The following WDHD1 variants were observed in gnomAD, a reference collection of about 807,000 sequenced individuals.
WDHD1 encodes the protein WD repeat and HMG-box DNA-binding protein 1.
In WDHD1, 111 loss-of-function variants were observed where a neutral mutation model predicts 135.4. The ratio of observed to expected loss-of-function variants is 0.82; its 90% confidence interval spans 0.70 to 0.96. WDHD1 has a LOEUF of 0.96. Among genes scored for constraint, WDHD1 ranks in the 40% least tolerant of loss-of-function variants. The pLI is 0.00. For synonymous variants in WDHD1, 434 were observed against 439.0 expected, an observed-to-expected ratio of 0.99 and a Z score of 0.14; for missense variants, 1,351 against 1,336.3, an observed-to-expected ratio of 1.01 and a Z score of -0.17.
chr14:54,957,700 T>C, intron 21 of WDHD1, 65 bp from the exon 22 acceptor site: 1 of 1,310,002 alleles, frequency 7.6e-7, no homozygotes, highest in Non-Finnish European at 1.1e-6. Flanking sequence ...ACATCTATAA[T>C]ACTAGACAGA....
intron 11 of WDHD1, among the ~76,000 whole-genome samples, chr14:54,993,640 A>G (rs767618163): frequency 1.3e-5 from 2 of 152,226 alleles, no homozygotes; most frequent in Non-Finnish European, 2.9e-5. Flanking sequence ...ATACACTTCA[A>G]ACAAAAACAA....
Position 54,987,361 on chromosome 14 carries a change from GA to G in WDHD1, c.1552del (p.Ser518LeufsTer9). ...TATCCACTCTTTGCTTGAATCCCAA[GA>G]ACTAAAGTGCAGGCAGTGAAGCTTG... ...ASKLHCLHFS[S>X]WDSSKEWIID... On this transcript the variant is annotated frameshift_variant, in exon 14 of 26. Transcript: ENST00000360586. LOFTEE classifies it high-confidence loss of function. 1 of 1,613,458 alleles carries G rather than the reference GA, an allele frequency of 6.2e-7. No homozygotes were observed. The highest frequency in any genetic ancestry group is 8.5e-7 in the Non-Finnish European group (1 of 1,179,848).
intron 16 of WDHD1, among the ~76,000 whole-genome samples, chr14:54,975,848 A>C (rs1396377755): frequency 1.3e-5 from 2 of 152,170 alleles, no homozygotes; most frequent in African/African-American, 2.4e-5. Context: ...AATTTTTAAA[A>C]ATTATTTTTC....
rs1307485463 is a variant in WDHD1, at chr14:54,941,522, T to C, written c.3358A>G (p.Lys1120Glu). 1 of 1,613,066 alleles carries C rather than the reference T, an allele frequency of 6.2e-7. No individual in the cohort carries two copies. The highest frequency in any genetic ancestry group is 8.5e-7 in the Non-Finnish European group (1 of 1,179,840). The change falls in exon 26 of 26, where the codon AAA (lysine) becomes GAA (glutamate). Residue 1120 changes from lysine to glutamate, a missense_variant. Physicochemically the swap from Lys to Glu is moderately conservative, Grantham distance 56. Transcript: ENST00000360586. ...TGCTTAAATGCAAAAGCTGATAGTT[T>C]CTGATTTGTAGAAAAATCTAAAGGT... ...QKPLDFSTNQ[K>E]LSAFAFKQE is the part of the protein sequence containing the mutation.
At chr14:54,982,829 ATTT>A (rs2041639867) in intron 15 of WDHD1, among the ~76,000 whole-genome samples, 2 of 152,222 alleles carry the variant, frequency 1.3e-5, no homozygotes, top group African/African-American at 4.8e-5. Flanking sequence ...AAAGAGAAAT[ATTT>A]AAGTCCCCAT....
chr14:55,026,391 G>C (rs2042441954), intron 2 of WDHD1, among the ~76,000 whole-genome samples: 1 of 152,124 alleles, frequency 6.6e-6, no homozygotes, highest in African/African-American at 2.4e-5. Context: ...AAACAGAACA[G>C]GCCACTGAAT....
chr14:55,027,073 C>T lies in WDHD1; in HGVS notation c.-62G>A. The T allele has an allele frequency of 2.5e-6, 1 of 407,218 alleles. No individual in the cohort carries two copies. The allele number at this position is 407,218 out of a possible 1,614,324, so 25.2% of individuals were successfully genotyped here. Reference sequence around the variant, plus strand: ...CACTGAGGATCCACAAGAGCTGCTTCCCGCGCTTCGGCTCGCTCACCACAC... The same window carrying T: ...CACTGAGGATCCACAAGAGCTGCTTTCCGCGCTTCGGCTCGCTCACCACAC... On this transcript the variant is annotated 5_prime_UTR_variant, in exon 1 of 26. Transcript: ENST00000360586.
At chr14:54,980,819 A>C (rs1389951063) in intron 16 of WDHD1, among the ~76,000 whole-genome samples, 6 of 149,826 alleles carry the variant, frequency 4.0e-5, no homozygotes, top group Admixed American at 6.7e-5. Flanking sequence ...AAAAAAAAAA[A>C]AAAAAACTCA....
intron 2 of WDHD1, among the ~76,000 whole-genome samples, chr14:55,018,087 T>G (rs1271817174): frequency 6.6e-6 from 1 of 152,138 alleles, no homozygotes; most frequent in Admixed American, 6.6e-5. Flanking sequence ...TTGGAGTGAT[T>G]GGGTTTTTAA....
chr14:54,955,672 T>G lies in WDHD1; in HGVS notation c.2939A>C (p.Gln980Pro). Residue 980 changes from glutamine to proline, a missense_variant, in exon 24 of 26, where the codon CAG (glutamine) becomes CCG (proline). Gln to Pro is a moderately conservative substitution (Grantham distance 76). This residue lies in a region of WDHD1 where 1,330 missense variants were observed against 1,296.1 expected (regional missense o/e 1.03). Coordinates refer to ENST00000360586, the MANE Select transcript of WDHD1 (RefSeq NM_007086.4). ...PKQASAASYF[Q>P]KRNSQTNKTE... is the part of the protein sequence containing the mutation. ...TTTATTAGTTTGAGAATTTCTTTTC[T>G]GGAAATAGGATGCTGCAGATGCCTA... 1 of 1,583,188 alleles carries G rather than the reference T, an allele frequency of 6.3e-7. No individual in the cohort carries two copies.
chr14:54,989,303 A>G, intron 12 of WDHD1, 91 bp from the exon 13 acceptor site: 1 of 936,636 alleles, frequency 1.1e-6, no homozygotes. Flanking sequence ...CAAATATTAT[A>G]ATTAAATTTG....
chr14:54,990,841 T>C (rs2041774262), intron 12 of WDHD1, among the ~76,000 whole-genome samples: 1 of 152,158 alleles, frequency 6.6e-6, no homozygotes, highest in Non-Finnish European at 1.5e-5. Flanking sequence ...ATACTAGTAG[T>C]TGCCTTCTAA....
At chr14:54,954,056 G>C (rs923474231) in intron 24 of WDHD1, among the ~76,000 whole-genome samples, 40 of 151,392 alleles carry the variant, frequency 2.6e-4, no homozygotes, top group Admixed American at 2.6e-3. Context: ...TGGCACATGT[G>C]TACATATGTA....
intron 16 of WDHD1, among the ~76,000 whole-genome samples, chr14:54,974,041 C>T (rs966784228): frequency 6.6e-6 from 1 of 150,854 alleles, no homozygotes; most frequent in Non-Finnish European, 1.5e-5. Flanking sequence ...GTTTTGATGA[C>T]GACGGAGTTT....
chr14:55,017,894 T>G (rs1035877308), intron 2 of WDHD1, among the ~76,000 whole-genome samples: 3 of 152,298 alleles, frequency 2.0e-5, no homozygotes, highest in African/African-American at 7.2e-5. Flanking sequence ...CACGGCTCAC[T>G]GCAGGCTTGA....
chr14:55,026,894 G>T, intron 1 of WDHD1, 91 bp from the exon 2 acceptor site: 1 of 1,267,348 alleles, frequency 7.9e-7, no homozygotes, highest in Non-Finnish European at 1.1e-6. Flanking sequence ...CTCCTCTAGG[G>T]CCCGTTCTCC....
At chr14:54,990,613 A>C (rs1248495930) in intron 12 of WDHD1, among the ~76,000 whole-genome samples, 1 of 151,888 alleles carries the variant, frequency 6.6e-6, no homozygotes, top group Non-Finnish European at 1.5e-5. Context: ...AAAAAAAAGA[A>C]CTCAAATCTA....
chr14:54,992,812 G>C (rs1463738249), intron 11 of WDHD1, among the ~76,000 whole-genome samples: 3 of 152,140 alleles, frequency 2.0e-5, no homozygotes, highest in Non-Finnish European at 4.4e-5. Context: ...TACCCGGAAG[G>C]CTGAGTGGGA....
intron 14 of WDHD1, among the ~76,000 whole-genome samples, chr14:54,986,457 C>T (rs1458250733): frequency 6.6e-6 from 1 of 152,036 alleles, no homozygotes; most frequent in African/African-American, 2.4e-5. Flanking sequence ...TGTGAGCCAC[C>T]ACACCACACC....
Sources: gnomAD v4.1 joint callset for allele counts (sites outside exome capture counted in the v4.1 genomes callset) on GRCh38, gnomAD v4.1.1 for gene constraint, gnomAD v4.1.1 regional missense constraint, MANE v1.5 for transcripts, NCBI Gene and HGNC (gene_info 2026-07-23, HGNC 2026-07-21) for gene names.